The following KCNT2 variants were observed in gnomAD, a reference collection of about 807,000 sequenced individuals.
KCNT2 encodes the protein potassium sodium-activated channel subfamily T member 2, also known as potassium channel subfamily T member 2.
A neutral mutation model predicts 153.8 loss-of-function variants in KCNT2; 67 were observed. The ratio of observed to expected loss-of-function variants is 0.44; its 90% CI spans 0.36 to 0.53. KCNT2 has a LOEUF of 0.53. Among genes scored for constraint, KCNT2 ranks in the 20% least tolerant of loss-of-function variants. The pLI, the probability that KCNT2 is intolerant of heterozygous loss-of-function variation, is 0.00. For synonymous variants in KCNT2, 500 were observed against 458.8 expected (o/e 1.09, Z -1.15); for missense variants, 975 against 1,354.8 (o/e 0.72, Z 4.40).
intron 26 of KCNT2, among the ~76,000 whole-genome samples, chr1:196,256,683 A>G (rs760414838): frequency 5.8e-4 from 88 of 150,710 alleles, no homozygotes; most frequent in Admixed American, 2.6e-3. Flanking sequence ...CTCAAGTTTG[A>G]CAGTTTCACA....
rs988995364 is a variant in KCNT2 at position 196,534,634 on chromosome 1, G to A, written c.96-42293C>T. Among the ~76,000 whole-genome samples the A allele has an allele frequency of 8.6e-5, 13 of 151,818 alleles. No homozygotes were observed. The East Asian group carries it at 1.9e-3, about 23-fold the overall frequency. The stretch of plus-strand genomic sequence containing the variant: ...TAGACTTTAAAATCATAAAAGAACA[G>A]AAAAAAAGGAAGCCTGCTTCTTAAA... On this transcript the variant is annotated intron_variant, in intron 1 of 27. Transcript: ENST00000294725.
At chr1:196,538,607 G>A (rs556282383) in intron 1 of KCNT2, among the ~76,000 whole-genome samples, 9 of 152,226 alleles carry the variant, frequency 5.9e-5, no homozygotes, top group African/African-American at 1.4e-4. Context: ...CACCTAATGC[G>A]CCTAACGTGG....
Position 196,357,364 on chromosome 1 carries a change from T to C in KCNT2, c.1404-15136A>G, listed in dbSNP as rs1667258187. Among the ~76,000 whole-genome samples the C allele has an allele frequency of 2.6e-5, 4 of 151,962 alleles. No homozygotes were observed. In the South Asian group the frequency reaches 6.2e-4, roughly 24 times the overall value. ...ACTTATTGCTCTATATTATGACATG[T>C]TTTAATTTGCTTTATCATAAACTCT... On this transcript the variant is annotated intron_variant, in intron 14 of 27. Coordinates refer to ENST00000294725, the MANE Select transcript of KCNT2 (RefSeq NM_198503.5).
chr1:196,369,744 G>A (rs1668358221), intron 14 of KCNT2, among the ~76,000 whole-genome samples: 2 of 152,024 alleles, frequency 1.3e-5, no homozygotes, highest in Non-Finnish European at 2.9e-5. Flanking sequence ...ATTTGGGTTG[G>A]TTCCAAGTCT....
intron 13 of KCNT2, among the ~76,000 whole-genome samples, chr1:196,383,362 A>G (rs1221193922): frequency 6.6e-6 from 1 of 152,182 alleles, no homozygotes; most frequent in Non-Finnish European, 1.5e-5. Context: ...CTAATTATGC[A>G]TTTGGATGTC....
rs1385917442 is a variant in KCNT2, at chr1:196,592,978, G to A, written c.95+15237C>T. Among the ~76,000 whole-genome samples the A allele has an allele frequency of 6.7e-5, 10 of 150,312 alleles. No individual in the cohort carries two copies. In the South Asian group the frequency reaches 2.1e-3, roughly 31 times the overall value. On this transcript the variant is annotated intron_variant, in intron 1 of 27. Coordinates refer to ENST00000294725, the MANE Select transcript of KCNT2 (RefSeq NM_198503.5). ...GGGAACAGGTAGTATTTGGTTACAT[G>A]AGGAAGTTCTTTAGTGGTGATTTGT...
intron 2 of KCNT2, among the ~76,000 whole-genome samples, chr1:196,490,230 G>T (rs867711878): frequency 6.6e-6 from 1 of 151,532 alleles, no homozygotes; most frequent in South Asian, 2.1e-4. Flanking sequence ...GTGTCCAATC[G>T]AGGTTGATTA....
chr1:196,281,096 T>C, intron 24 of KCNT2, 108 bp from the exon 25 acceptor site: 7 of 802,154 alleles, frequency 8.7e-6, no homozygotes, highest in Non-Finnish European at 1.4e-5. Context: ...AGGGTCTCAC[T>C]CTGTCACCCA....
intron 18 of KCNT2, among the ~76,000 whole-genome samples, chr1:196,329,127 C>T (rs555324531): frequency 6.6e-6 from 1 of 152,004 alleles, no homozygotes; most frequent in African/African-American, 2.4e-5. Flanking sequence ...TGAACACTGA[C>T]CAGGACACCA....
At chr1:196,372,851 T>C (rs1471552554) in intron 14 of KCNT2, among the ~76,000 whole-genome samples, 28 of 151,926 alleles carry the variant, frequency 1.8e-4, no homozygotes, top group Non-Finnish European at 1.5e-5. Flanking sequence ...AAAAATAATG[T>C]CCTAATCCTA....
At chr1:196,590,838 A>T (rs1220907713) in intron 1 of KCNT2, among the ~76,000 whole-genome samples, 1 of 152,116 alleles carries the variant, frequency 6.6e-6, no homozygotes, top group African/African-American at 2.4e-5. Context: ...TTGAAAAGAG[A>T]TCTCAGGCCG....
At chr1:196,349,769 C>T (rs1004462725) in intron 14 of KCNT2, among the ~76,000 whole-genome samples, 12 of 151,710 alleles carry the variant, frequency 7.9e-5, no homozygotes, top group African/African-American at 2.7e-4. Flanking sequence ...ACGTTAGTTA[C>T]ATATGTATAC....
At chr1:196,433,051 A>C (rs1674300843) in intron 8 of KCNT2, among the ~76,000 whole-genome samples, 1 of 152,046 alleles carries the variant, frequency 6.6e-6, no homozygotes, top group Non-Finnish European at 1.5e-5. Context: ...GCAACCTTAT[A>C]AAATTGTGGG....
intron 12 of KCNT2, among the ~76,000 whole-genome samples, chr1:196,412,464 T>C (rs1016103341): frequency 6.6e-6 from 1 of 151,642 alleles, no homozygotes; most frequent in Non-Finnish European, 1.5e-5. Flanking sequence ...ACTAGGGTAC[T>C]TTTCCTTCCT....
chr1:196,234,626 ACC>A (rs1161204737), intron 27 of KCNT2, among the ~76,000 whole-genome samples: 1 of 151,252 alleles, frequency 6.6e-6, no homozygotes, highest in Non-Finnish European at 1.5e-5. Context: ...AAAAAATCAT[ACC>A]CTTTTCACTC....
chr1:196,302,227 A>G (rs761222412), intron 22 of KCNT2, among the ~76,000 whole-genome samples: 27 of 152,200 alleles, frequency 1.8e-4, no homozygotes, highest in Admixed American at 5.9e-4. Context: ...AATAGAGATC[A>G]GTTTTCTAAT....
At chr1:196,506,023 C>T (rs1276362655) in intron 1 of KCNT2, among the ~76,000 whole-genome samples, 2 of 152,124 alleles carry the variant, frequency 1.3e-5, no homozygotes, top group African/African-American at 4.8e-5. Context: ...ATCATGTCAT[C>T]TGCAAACAGG....
intron 8 of KCNT2, among the ~76,000 whole-genome samples, chr1:196,459,328 A>G (rs1235636553): frequency 6.6e-6 from 1 of 151,744 alleles, no homozygotes; most frequent in Non-Finnish European, 1.5e-5. Flanking sequence ...CTTTATTTCA[A>G]AATAATGGAA....
At position 196,318,972 on chromosome 1, in the gene KCNT2, T is replaced by C. The variant is rs1663014712; in HGVS notation, c.2348+512A>G. On this transcript the variant is annotated intron_variant, in intron 20 of 27. Coordinates refer to ENST00000294725, the MANE Select transcript of KCNT2 (RefSeq NM_198503.5). ...CATAATACATGTATAAGAATTTGTA[T>C]TTAATTACTAATGTATTAAACACAT... 2.0e-5 allele frequency among the ~76,000 whole-genome samples: 3 copies of C among 151,774 alleles called. No individual in the cohort carries two copies. In the Admixed American group the frequency reaches 2.0e-4, roughly 10 times the overall value.
Sources: allele counts gnomAD v4.1 joint callset (sites outside exome capture counted in the v4.1 genomes callset), GRCh38; gene constraint gnomAD v4.1.1; transcripts MANE v1.5; gene names NCBI Gene and HGNC (gene_info 2026-07-23, HGNC 2026-07-21).